The following SPATA6L variants were observed in gnomAD, a reference collection of about 807,000 sequenced individuals.
The protein encoded by SPATA6L is spermatogenesis associated 6 like.
In SPATA6L, 68 loss-of-function variants were observed where a neutral mutation model predicts 49.2. That is an observed-to-expected ratio of 1.38 (90% CI 1.14 to 1.69). SPATA6L has a LOEUF of 1.69. SPATA6L is among the 40% of genes most tolerant of loss of function. The probability of loss-of-function intolerance (pLI) is 0.00; values close to 1 mark genes in which losing one functional copy is unlikely to be tolerated. For missense variants in SPATA6L, 668 were observed against 464.3 expected (o/e 1.44, Z -4.03); for synonymous variants, 198 against 165.7 (o/e 1.19, Z -1.50).
chr9:4,641,170 G>C (rs1833952872), intron 3 of SPATA6L, among the ~76,000 whole-genome samples: 1 of 148,728 alleles, frequency 6.7e-6, no homozygotes, highest in African/African-American at 2.6e-5. Flanking sequence ...CCAACATTTA[G>C]TATATTCAAC....
chr9:4,662,290 T>A lies in SPATA6L; in HGVS notation c.40-254A>T, dbSNP rs1012169959. 2.1e-6 allele frequency: 3 copies of A among 1,433,806 alleles called. No individual in the cohort carries two copies. The highest frequency in any genetic ancestry group is 2.7e-6 in the Non-Finnish European group (3 of 1,099,108). The allele number at this position is 1,433,806 out of a possible 1,614,324, so 88.8% of individuals were successfully genotyped here. ...GGCTCCTCTCCCCGCCCCTCCGGGA[T>A]GGTAGTGCGGAAGCGGAAGAGGCTG... On this transcript the variant is annotated intron_variant, in intron 1 of 11. Transcript: ENST00000682582. This position sits in a 1 kb window ranked among gnomAD's most constrained non-coding sequence, Gnocchi z 4.9.
downstream of SPATA6L, among the ~76,000 whole-genome samples, chr9:4,597,192 C>T (rs978501240): frequency 6.6e-6 from 1 of 152,046 alleles, no homozygotes; most frequent in African/African-American, 2.4e-5. Context: ...GTGGCTCATA[C>T]CTGTAAGCCT....
chr9:4,639,906 G>C (rs1229888254), intron 3 of SPATA6L, among the ~76,000 whole-genome samples: 2 of 152,246 alleles, frequency 1.3e-5, no homozygotes, highest in Non-Finnish European at 2.9e-5. Context: ...GGCTCTGAGA[G>C]TTTGACCTGT....
rs1822927482 is a variant in SPATA6L, at chr9:4,600,442, G to C, written c.*369C>G. On this transcript the variant is annotated 3_prime_UTR_variant, in exon 12 of 12. Coordinates refer to ENST00000682582, the MANE Select transcript of SPATA6L (RefSeq NM_001353486.2). ...TTCCTGTGAATAGCAACTTCCTCTA[G>C]CTCATATATAATTAATTTGAGAGAG... The C allele has an allele frequency of 1.0e-5, 1 of 97,276 alleles. No homozygotes were observed. Among genetic ancestry groups the C allele is most frequent in the Non-Finnish European group, 2.7e-5 (1 of 36,696 alleles). The allele number at this position is 97,276 out of a possible 1,614,324, so 6.0% of individuals were successfully genotyped here. A position where few individuals can be genotyped will look rare whatever the true frequency, so the allele number is the denominator to read the frequency against.
At chr9:4,607,424 C>G (rs1301480789) in intron 9 of SPATA6L, among the ~76,000 whole-genome samples, 2 of 152,094 alleles carry the variant, frequency 1.3e-5, no homozygotes, top group Admixed American at 6.5e-5. Context: ...AAGGGAAGCC[C>G]ATCAGACTAA....
At chr9:4,618,758 C>T in intron 8 of SPATA6L, 106 bp downstream of exon 8, 1 of 1,037,202 alleles carries the variant, frequency 9.6e-7, no homozygotes, top group Non-Finnish European at 1.4e-6. Flanking sequence ...GCAATTCCAC[C>T]TAAGCAGACT....
At chr9:4,622,235 A>G (rs369456059) in intron 7 of SPATA6L, among the ~76,000 whole-genome samples, 173 bp downstream of exon 7, 566 of 152,346 alleles carry the variant, frequency 3.7e-3, no homozygotes, top group Non-Finnish European at 5.6e-3. Context: ...GAAGCTTCTC[A>G]GCTGACGCTG....
chr9:4,656,290 T>G (rs1396922555), intron 2 of SPATA6L, among the ~76,000 whole-genome samples: 1 of 151,992 alleles, frequency 6.6e-6, no homozygotes, highest in Non-Finnish European at 1.5e-5. Context: ...AATACAAAAG[T>G]TAGCTGGGCA....
In SPATA6L at chr9:4,625,409, A is replaced by AAGAAATGCCTGGT; in HGVS notation, c.574_586dup (p.Phe196TyrfsTer17). ...GTTCAACTGAGCTGGCTGGTCCTGGAAGAAATGCCTGGTAGAATATTGAGA... is the reference window on the plus strand; with the variant it reads ...GTTCAACTGAGCTGGCTGGTCCTGGAAGAAATGCCTGGTAGAAATGCCTGGTAGAATATTGAGA... On this transcript the variant is annotated frameshift_variant, in exon 6 of 12. Coordinates refer to ENST00000682582, the MANE Select transcript of SPATA6L (RefSeq NM_001353486.2). LOFTEE classifies it high-confidence loss of function. 6.2e-7 allele frequency: 1 copy of AAGAAATGCCTGGT among 1,614,130 alleles called. No individual in the cohort carries two copies. The highest frequency in any genetic ancestry group is 8.5e-7 in the Non-Finnish European group (1 of 1,180,016).
intron 6 of SPATA6L, among the ~76,000 whole-genome samples, chr9:4,624,237 T>G (rs1308955941): frequency 6.6e-6 from 1 of 152,242 alleles, no homozygotes; most frequent in East Asian, 1.9e-4. Context: ...AATGTAATGT[T>G]AATTGGAATA....
chr9:4,603,381 G>A (rs1823851717), intron 11 of SPATA6L, among the ~76,000 whole-genome samples: 1 of 152,180 alleles, frequency 6.6e-6, no homozygotes, highest in Non-Finnish European at 1.5e-5. Context: ...AGTGAACCAA[G>A]ATTGCGCCAT....
chr9:4,636,982 G>A (rs1476292860), intron 3 of SPATA6L, among the ~76,000 whole-genome samples: 7 of 152,008 alleles, frequency 4.6e-5, no homozygotes, highest in Admixed American at 6.6e-5. Context: ...TTGTCCGCAC[G>A]CTGCAACGTT....
In SPATA6L at chr9:4,599,850, G is replaced by A. The variant is rs996538934; in HGVS notation, c.*961C>T. Reference sequence around the variant, plus strand: ...GACACAAACATTCACACTATAGTAGGGCTGGTAGAGGAAAATGCTATGCTT... The same window carrying A: ...GACACAAACATTCACACTATAGTAGAGCTGGTAGAGGAAAATGCTATGCTT... On this transcript the variant is annotated 3_prime_UTR_variant, in exon 12 of 12. Transcript: ENST00000682582. Among the ~76,000 whole-genome samples, 1 of 152,110 alleles carries A rather than the reference G, an allele frequency of 6.6e-6. No homozygotes were observed. The highest frequency in any genetic ancestry group is 1.5e-5 in the Non-Finnish European group (1 of 68,016).
In SPATA6L at chr9:4,665,589, C is replaced by G. The variant is rs949999577; in HGVS notation, c.39+623G>C. Among the ~76,000 whole-genome samples, 35 of 152,172 alleles carry G rather than the reference C, an allele frequency of 2.3e-4. 1 individual carries two copies. The highest frequency in any genetic ancestry group is 8.4e-4 in the African/African-American group (35 of 41,432). The stretch of plus-strand genomic sequence containing the variant: ...CCTAGAGGAAAAGCGGCATGATATT[C>G]TGTTACTAACTACATGGAAGGATTG... On this transcript the variant is annotated intron_variant, in intron 1 of 11. Coordinates refer to ENST00000682582, the MANE Select transcript of SPATA6L (RefSeq NM_001353486.2).
intron 9 of SPATA6L, among the ~76,000 whole-genome samples, chr9:4,611,345 A>G (rs1399109700): frequency 1.3e-5 from 2 of 148,786 alleles, no homozygotes; most frequent in East Asian, 3.9e-4. Flanking sequence ...AGACACATGC[A>G]CACCTATGTT....
chr9:4,656,441 AAAGGAAGGAAGGAAGG>A lies in SPATA6L; in HGVS notation c.178-368_178-353del, dbSNP rs376151295. Among the ~76,000 whole-genome samples, 454 of 113,984 alleles carry A rather than the reference AAAGGAAGGAAGGAAGG, an allele frequency of 4.0e-3. 2 individuals carry two copies. The highest frequency in any genetic ancestry group is 0.018 in the South Asian group (59 of 3,264). The allele number at this position is 113,984 out of a possible 152,430, so 74.8% of individuals were successfully genotyped here. A position where few individuals can be genotyped will look rare whatever the true frequency, so the allele number is the denominator to read the frequency against. The stretch of plus-strand genomic sequence containing the variant: ...GAGAAAGAGTGAGACCCTGTGAAAG[AAAGGAAGGAAGGAAGG>A]AAGGAAGGAAGGAAGGAAGGAAGGA... On this transcript the variant is annotated intron_variant, in intron 2 of 11. Coordinates refer to ENST00000682582, the MANE Select transcript of SPATA6L (RefSeq NM_001353486.2).
chr9:4,636,725 C>T (rs905785182), intron 3 of SPATA6L, among the ~76,000 whole-genome samples: 5 of 152,168 alleles, frequency 3.3e-5, no homozygotes, highest in African/African-American at 1.2e-4. Context: ...ATTCTTCCTC[C>T]TACTAACTCC....
rs36181392 is a variant in SPATA6L, at chr9:4,611,369, C to T, written c.996-5929G>A. 4.7e-3 allele frequency among the ~76,000 whole-genome samples: 661 copies of T among 141,660 alleles called. 3 individuals carry two copies. The highest frequency in any genetic ancestry group is 0.019 in the African/African-American group (609 of 31,576). The allele number at this position is 141,660 out of a possible 152,430, so 92.9% of individuals were successfully genotyped here. A position where few individuals can be genotyped will look rare whatever the true frequency, so the allele number is the denominator to read the frequency against. On this transcript the variant is annotated intron_variant, in intron 9 of 11. Transcript: ENST00000682582. ...CACACCTATGTTTATTGCGGCACTACTCACAATAGCAAAGACTCGGAACCA... is the reference window on the plus strand; with the variant it reads ...CACACCTATGTTTATTGCGGCACTATTCACAATAGCAAAGACTCGGAACCA...
chr9:4,641,238 T>A (rs10974703), intron 3 of SPATA6L, among the ~76,000 whole-genome samples: 9,781 of 152,190 alleles, frequency 0.064, 541 homozygotes, highest in East Asian at 0.3. Flanking sequence ...ATATTCGTGT[T>A]TATATATACT....
Sources: gnomAD v4.1 joint callset for allele counts (sites outside exome capture counted in the v4.1 genomes callset) on GRCh38, gnomAD v4.1.1 for gene constraint, Gnocchi (gnomAD v3.1) non-coding constraint, MANE v1.5 for transcripts, NCBI Gene and HGNC (gene_info 2026-07-23, HGNC 2026-07-21) for gene names.